Variants in OSBPL8 observed in about 807,000 individuals in gnomAD.
OSBPL8 encodes the protein oxysterol-binding protein-related protein 8.
OSBPL8 carries 59 observed loss-of-function variants against 125.5 expected under a neutral mutation model. The observed-to-expected ratio is 0.47, with a 90% confidence interval of 0.38 to 0.58. The LOEUF (loss-of-function observed/expected upper bound fraction) is 0.58, where lower values mean the gene tolerates loss of function less well. Among genes scored for constraint, OSBPL8 ranks in the 20% least tolerant of loss-of-function variants. The pLI, the probability that OSBPL8 is intolerant of heterozygous loss-of-function variation, is 0.00. For synonymous variants in OSBPL8, 330 were observed against 338.9 expected, an observed-to-expected ratio of 0.97 and a Z score of 0.29; for missense variants, 758 against 1,047.8, an observed-to-expected ratio of 0.72 and a Z score of 3.82.
chr12:76,443,738 C>T (rs1019028473), intron 4 of OSBPL8, among the ~76,000 whole-genome samples: 3 of 152,024 alleles, frequency 2.0e-5, no homozygotes, highest in African/African-American at 4.8e-5. Context: ...AATTCCTGAC[C>T]CCAGGTTATC....
intron 16 of OSBPL8, among the ~76,000 whole-genome samples, chr12:76,376,797 G>A (rs1268165783): frequency 6.6e-6 from 1 of 151,694 alleles, no homozygotes; most frequent in African/African-American, 2.4e-5. Context: ...TTTCTCAACT[G>A]TGTGTTCTGG....
chr12:76,462,883 A>G (rs1874911987), intron 2 of OSBPL8, among the ~76,000 whole-genome samples: 1 of 152,220 alleles, frequency 6.6e-6, no homozygotes, highest in Non-Finnish European at 1.5e-5. Flanking sequence ...ATGGAAGAGC[A>G]CGAAGGCCAA....
At chr12:76,406,415 A>T (rs1214775461) in intron 5 of OSBPL8, among the ~76,000 whole-genome samples, 1 of 152,218 alleles carries the variant, frequency 6.6e-6, no homozygotes, top group Non-Finnish European at 1.5e-5. Flanking sequence ...AAGAGATGTG[A>T]GCTCAAAAAC....
intron 1 of OSBPL8, among the ~76,000 whole-genome samples, chr12:76,498,684 G>A (rs1269055608): frequency 6.7e-6 from 1 of 150,052 alleles, no homozygotes; most frequent in Non-Finnish European, 1.5e-5. Context: ...ATGCTTTTGA[G>A]CTAATCCCTC....
intron 2 of OSBPL8, among the ~76,000 whole-genome samples, chr12:76,483,035 G>A (rs1053984353): frequency 3.9e-5 from 6 of 152,152 alleles, no homozygotes; most frequent in Non-Finnish European, 7.4e-5. Context: ...GCCGAGGCAG[G>A]CGGATCATGA....
intron 4 of OSBPL8, among the ~76,000 whole-genome samples, chr12:76,439,058 G>A (rs1242922691): frequency 6.6e-6 from 1 of 152,136 alleles, no homozygotes; most frequent in African/African-American, 2.4e-5. Flanking sequence ...TACAGGGGGA[G>A]GTGGAGAGAT....
chr12:76,491,576 A>C (rs1878718361), intron 1 of OSBPL8, among the ~76,000 whole-genome samples: 1 of 152,210 alleles, frequency 6.6e-6, no homozygotes, highest in Non-Finnish European at 1.5e-5. Flanking sequence ...AACATTATAT[A>C]AACTTTCCTT....
At chr12:76,387,531 C>T (rs945396876) in intron 12 of OSBPL8, among the ~76,000 whole-genome samples, 4 of 152,052 alleles carry the variant, frequency 2.6e-5, no homozygotes, top group East Asian at 3.9e-4. Context: ...TTGTTGCAAT[C>T]GTTGCAAAAA....
At chr12:76,400,947 CCTGG>C (rs766022625) in intron 6 of OSBPL8, among the ~76,000 whole-genome samples, 16 of 151,864 alleles carry the variant, frequency 1.1e-4, no homozygotes, top group Non-Finnish European at 1.8e-4. Flanking sequence ...TGCCACCATG[CCTGG>C]CTAAGTTTTG....
chr12:76,379,257 T>C (rs556694656), intron 15 of OSBPL8, among the ~76,000 whole-genome samples: 1 of 152,264 alleles, frequency 6.6e-6, no homozygotes, highest in South Asian at 2.1e-4. Flanking sequence ...ATTAATCCTA[T>C]AGACAATTTA....
At chr12:76,475,921 T>G (rs190066616) in intron 2 of OSBPL8, among the ~76,000 whole-genome samples, 2 of 152,216 alleles carry the variant, frequency 1.3e-5, no homozygotes, top group Admixed American at 6.5e-5. Context: ...AAACTGTGCG[T>G]GTACACACAT....
At chr12:76,498,456 C>T (rs529831694) in intron 1 of OSBPL8, among the ~76,000 whole-genome samples, 16 of 152,340 alleles carry the variant, frequency 1.1e-4, no homozygotes, top group Middle Eastern at 6.8e-3. Flanking sequence ...CCTCTCACAC[C>T]ATGTTTGCAT....
intron 21 of OSBPL8, 69 bp from the exon 22 acceptor site, chr12:76,358,880 T>G (rs1303603148): frequency 8.4e-7 from 1 of 1,186,758 alleles, no homozygotes; most frequent in Non-Finnish European, 1.3e-6. Context: ...TGTGTACAAT[T>G]GTCAAAATTA....
At chr12:76,495,631 G>C (rs1042287348) in intron 1 of OSBPL8, among the ~76,000 whole-genome samples, 2 of 150,884 alleles carry the variant, frequency 1.3e-5, no homozygotes, top group South Asian at 4.2e-4. Context: ...TTCATAAAAG[G>C]CAAACGACAA....
chr12:76,518,024 T>C (rs185957906), intron 1 of OSBPL8, among the ~76,000 whole-genome samples: 85 of 152,274 alleles, frequency 5.6e-4, no homozygotes, highest in African/African-American at 2.0e-3. Flanking sequence ...CATGTTCTAC[T>C]CACACTGCAA....
intron 21 of OSBPL8, among the ~76,000 whole-genome samples, chr12:76,361,057 C>T (rs1182052736): frequency 6.6e-6 from 1 of 152,154 alleles, no homozygotes; most frequent in Non-Finnish European, 1.5e-5. Flanking sequence ...CTGAATTTCT[C>T]CTGAAAAAAT....
intron 1 of OSBPL8, among the ~76,000 whole-genome samples, chr12:76,543,111 C>T (rs191422300): frequency 2.6e-5 from 4 of 151,802 alleles, no homozygotes; most frequent in East Asian, 1.9e-4. Flanking sequence ...AGTTTACTGT[C>T]GATCTTCTAC....
chr12:76,555,483 T>G (rs1322416872), intron 1 of OSBPL8, among the ~76,000 whole-genome samples: 1 of 152,178 alleles, frequency 6.6e-6, no homozygotes, highest in Non-Finnish European at 1.5e-5. Flanking sequence ...AAGCAAATAT[T>G]AGAGTTCATG....
rs1951913952 is a variant in OSBPL8, at chr12:76,354,339, A to C, written c.*1550T>G. On this transcript the variant is annotated 3_prime_UTR_variant, in exon 24 of 24. Transcript: ENST00000261183. ...TCTTCACAGAAACCTAAGGATACTT[A>C]AGATAGCTATATTGGTTAGGGAAAA... is the stretch of plus-strand genomic sequence containing the variant. The C allele has an allele frequency of 6.6e-6, 1 of 151,934 alleles. No homozygotes were observed. The highest frequency in any genetic ancestry group is 1.5e-5 in the Non-Finnish European group (1 of 67,802). The allele number at this position is 151,934 out of a possible 1,614,324, so 9.4% of individuals were successfully genotyped here. A position where few individuals can be genotyped will look rare whatever the true frequency, so the allele number is the denominator to read the frequency against.
Sources: gnomAD v4.1 joint callset for allele counts (sites outside exome capture counted in the v4.1 genomes callset) on GRCh38, gnomAD v4.1.1 for gene constraint, MANE v1.5 for transcripts, NCBI Gene and HGNC (gene_info 2026-07-23, HGNC 2026-07-21) for gene names.